The following EPC2 variants were observed in gnomAD, a reference collection of about 807,000 sequenced individuals.
EPC2 encodes the protein enhancer of polycomb homolog 2.
In EPC2, 14 loss-of-function variants were observed where a neutral mutation model predicts 92.1. That is an observed-to-expected ratio of 0.15 (90% CI 0.10 to 0.24). The LOEUF is 0.24. Ranked by LOEUF, EPC2 falls within the 10% of genes least tolerant of loss-of-function variation. The pLI is 1.00. For missense variants in EPC2, 755 were observed against 971.5 expected (o/e 0.78, Z 2.96); for synonymous variants, 340 against 334.7 (o/e 1.02, Z -0.17).
At chr2:148,738,420 T>TA (rs1682810877) in intron 2 of EPC2, among the ~76,000 whole-genome samples, 2 of 152,202 alleles carry the variant, frequency 1.3e-5, no homozygotes, top group Non-Finnish European at 2.9e-5. Context: ...TGGGTTTACA[T>TA]AAAGAGTTCT....
rs911816887 is a variant in EPC2, at chr2:148,787,139, T to C, written c.*762T>C. On this transcript the variant is annotated 3_prime_UTR_variant, in exon 14 of 14. Transcript: ENST00000258484. ...CATTTAAACTGTGCAAATATGAAAA[T>C]TTTTCGAGGATTACATTTTATCTGA... 1 of 152,484 alleles carries C rather than the reference T, an allele frequency of 6.6e-6. No homozygotes were observed. The highest frequency in any genetic ancestry group is 1.5e-5 in the Non-Finnish European group (1 of 68,002). 9.4% of individuals were successfully genotyped at this position (152,484 alleles called of 1,614,324 possible). A position where few individuals can be genotyped will look rare whatever the true frequency, so the allele number is the denominator to read the frequency against.
At chr2:148,779,939 T>C (rs928969599) in intron 10 of EPC2, among the ~76,000 whole-genome samples, 2 of 152,224 alleles carry the variant, frequency 1.3e-5, no homozygotes, top group African/African-American at 4.8e-5. Context: ...GATTTTTCTT[T>C]CTGCCTTTGT....
chr2:148,718,016 G>T lies in EPC2; in HGVS notation c.314-25606G>T, dbSNP rs575539603. 6.6e-5 allele frequency among the ~76,000 whole-genome samples: 10 copies of T among 152,150 alleles called. No individual in the cohort carries two copies. The East Asian group carries it at 1.7e-3, about 26-fold the overall frequency. Reference sequence around the variant, plus strand: ...TGTCATGCCCTTCGTTGTCTTTTTTGATCTTTGTTGGTTTAAAGCCTGTTT... The same window carrying T: ...TGTCATGCCCTTCGTTGTCTTTTTTTATCTTTGTTGGTTTAAAGCCTGTTT... On this transcript the variant is annotated intron_variant, in intron 2 of 13. Transcript: ENST00000258484.
intron 2 of EPC2, among the ~76,000 whole-genome samples, chr2:148,707,433 A>G (rs1291544239): frequency 2.6e-5 from 4 of 152,254 alleles, no homozygotes; most frequent in South Asian, 2.1e-4. Flanking sequence ...ACATTAGACA[A>G]ATCAACAAGA....
intron 2 of EPC2, chr2:148,691,551 A>G (rs1392594149): frequency 6.4e-7 from 1 of 1,550,408 alleles, no homozygotes. Flanking sequence ...GTGAAATTGC[A>G]TCTTAAATTG....
intron 2 of EPC2, among the ~76,000 whole-genome samples, chr2:148,703,514 A>G (rs1385966905): frequency 6.6e-6 from 1 of 151,904 alleles, no homozygotes; most frequent in Non-Finnish European, 1.5e-5. Flanking sequence ...CTGAAAAATG[A>G]GGGTTTTTGT....
intron 10 of EPC2, among the ~76,000 whole-genome samples, chr2:148,775,658 A>AAATTAAACAAAATTAAATTTAATTT (rs1683619597): frequency 3.6e-5 from 5 of 138,594 alleles, no homozygotes; most frequent in African/African-American, 1.3e-4. Flanking sequence ...TCTTTAAATA[A>AAATTAAACAAAATTAAATTTAATTT]AATTAAATAA....
At chr2:148,767,554 T>C (rs1003317336) in intron 7 of EPC2, among the ~76,000 whole-genome samples, 2 of 152,198 alleles carry the variant, frequency 1.3e-5, no homozygotes, top group Admixed American at 6.5e-5. Context: ...ATTCAGAGTG[T>C]ACATCTTATA....
chr2:148,759,605 G>T (rs555094745), intron 4 of EPC2, among the ~76,000 whole-genome samples: 9 of 150,636 alleles, frequency 6.0e-5, no homozygotes, highest in South Asian at 2.1e-4. Flanking sequence ...ATTTTTTTTT[G>T]AAAATATATA....
At chr2:148,736,865 T>G (rs1456712743) in intron 2 of EPC2, among the ~76,000 whole-genome samples, 1 of 151,468 alleles carries the variant, frequency 6.6e-6, no homozygotes, top group Non-Finnish European at 1.5e-5. Context: ...TTTGGGAGGC[T>G]GAGGCAGGCA....
At chr2:148,686,929 C>G (rs1337306842) in intron 1 of EPC2, among the ~76,000 whole-genome samples, 1 of 152,060 alleles carries the variant, frequency 6.6e-6, no homozygotes, top group Non-Finnish European at 1.5e-5. Flanking sequence ...CTGATTAGCC[C>G]CTAACAAGAG....
At chr2:148,780,674 A>AT (rs1159251371) in intron 10 of EPC2, among the ~76,000 whole-genome samples, 9 of 152,178 alleles carry the variant, frequency 5.9e-5, no homozygotes, top group Non-Finnish European at 1.2e-4. Flanking sequence ...AGCATTCTGC[A>AT]TTATAGTAGA....
At chr2:148,781,850 C>A in intron 11 of EPC2, 70 bp downstream of exon 11, 1 of 1,570,350 alleles carries the variant, frequency 6.4e-7, no homozygotes. Context: ...CCATTTTAGT[C>A]AAGTCACAGA....
At chr2:148,688,716 C>G (rs1681581075) in intron 1 of EPC2, among the ~76,000 whole-genome samples, 1 of 152,120 alleles carries the variant, frequency 6.6e-6, no homozygotes, top group African/African-American at 2.4e-5. Flanking sequence ...CATAGCTTGA[C>G]ATATAGTAGG....
chr2:148,676,771 T>A (rs890790910), intron 1 of EPC2, among the ~76,000 whole-genome samples: 6 of 99,050 alleles, frequency 6.1e-5, no homozygotes, highest in African/African-American at 2.1e-4. Context: ...TTATTGACAT[T>A]TAGGTGCTCT....
intron 1 of EPC2, among the ~76,000 whole-genome samples, chr2:148,677,804 G>T (rs1054178335): frequency 1.3e-5 from 2 of 151,984 alleles, no homozygotes; most frequent in Non-Finnish European, 2.9e-5. Flanking sequence ...TCTTAAGGCG[G>T]CGCATCTGGA....
intron 4 of EPC2, among the ~76,000 whole-genome samples, chr2:148,754,847 G>A (rs1369469806): frequency 6.6e-6 from 1 of 152,098 alleles, no homozygotes; most frequent in Non-Finnish European, 1.5e-5. Flanking sequence ...TAAATGATAT[G>A]GTATAGAGGA....
intron 2 of EPC2, among the ~76,000 whole-genome samples, chr2:148,696,769 C>T (rs1458762247): frequency 6.6e-6 from 1 of 152,296 alleles, no homozygotes; most frequent in African/African-American, 2.4e-5. Context: ...AAATGATTCT[C>T]CAATGATGCC....
At chr2:148,679,978 A>G (rs1681361808) in intron 1 of EPC2, among the ~76,000 whole-genome samples, 1 of 152,176 alleles carries the variant, frequency 6.6e-6, no homozygotes, top group Non-Finnish European at 1.5e-5. Context: ...TTCTAACTAA[A>G]TTTGTAGTAA....
Sources: allele counts gnomAD v4.1 joint callset (sites outside exome capture counted in the v4.1 genomes callset), GRCh38; gene constraint gnomAD v4.1.1; transcripts MANE v1.5; gene names NCBI Gene and HGNC (gene_info 2026-07-23, HGNC 2026-07-21).